The following DIAPH2 variants were observed in gnomAD, a reference collection of about 807,000 sequenced individuals.
DIAPH2 encodes diaphanous related formin 2.
Under a neutral mutation model 92.7 loss-of-function variants are expected in DIAPH2, and 35 were observed. The observed-to-expected ratio is 0.38, with a 90% CI of 0.29 to 0.50. DIAPH2 has a LOEUF of 0.50. DIAPH2 is among the 20% of genes least tolerant of loss of function. DIAPH2 has a pLI of 0.94. For missense variants in DIAPH2, 701 were observed against 819.5 expected (o/e 0.86, Z 1.77); for synonymous variants, 301 against 280.4 (o/e 1.07, Z -0.73).
chrX:96,998,818 G>A (rs1267099031), intron 17 of DIAPH2, among the ~76,000 whole-genome samples: 1 of 111,812 alleles, frequency 8.9e-6, no homozygotes, highest in Non-Finnish European at 1.9e-5. Flanking sequence ...TCTTGGGTAT[G>A]ATGTCATATC....
At chrX:97,477,630 A>C (rs753626791) in intron 26 of DIAPH2, among the ~76,000 whole-genome samples, 46 of 110,462 alleles carry the variant, frequency 4.2e-4, no homozygotes, top group Non-Finnish European at 7.2e-4. Context: ...ATCTATCTAT[A>C]TATATATATG....
At chrX:96,962,390 TACACATATATATACACATATATATATAC>T (rs2065862848) in intron 16 of DIAPH2, among the ~76,000 whole-genome samples, 1 of 69,797 alleles carries the variant, frequency 1.4e-5, no homozygotes, top group Admixed American at 1.8e-4. Context: ...CACATATATA[TACACATATATATACACATATATATATAC>T]ACATATATAT....
chrX:97,584,977 C>T (rs908140966), intron 26 of DIAPH2, among the ~76,000 whole-genome samples: 30 of 112,017 alleles, frequency 2.7e-4, no homozygotes, highest in African/African-American at 7.8e-4. Flanking sequence ...AGCATTGCAC[C>T]CTGTGATGAC....
intron 23 of DIAPH2, among the ~76,000 whole-genome samples, chrX:97,328,702 T>C (rs1023766010): frequency 2.7e-5 from 3 of 111,478 alleles, no homozygotes; most frequent in African/African-American, 9.7e-5. Context: ...TTAGAAAAAA[T>C]AATTTATAAA....
rs774544835 is a variant in DIAPH2 at position 97,448,782 on chromosome X, T to G, written c.3241+19037T>G. Among the ~76,000 whole-genome samples the G allele has an allele frequency of 1.3e-3, 149 of 112,073 alleles. 1 individual carries two copies. Among genetic ancestry groups the G allele is most frequent in the African/African-American group, 4.7e-3 (146 of 30,933 alleles). ...ACTAGTTATAATTCATGATTAGCAC[T>G]GGGGCAAGCTGATAATTTGAAAATC... On this transcript the variant is annotated intron_variant, in intron 26 of 26. Transcript: ENST00000324765.
chrX:97,587,734 T>C (rs1451024185), intron 26 of DIAPH2, among the ~76,000 whole-genome samples: 1 of 112,272 alleles, frequency 8.9e-6, no homozygotes, highest in Non-Finnish European at 1.9e-5. Flanking sequence ...ATGATCGTGA[T>C]GCTAAAATCT....
intron 25 of DIAPH2, among the ~76,000 whole-genome samples, chrX:97,411,440 G>A (rs1439258706): frequency 2.7e-5 from 3 of 111,990 alleles, no homozygotes; most frequent in African/African-American, 9.7e-5. Flanking sequence ...ACCAGCCACT[G>A]CAAAAACATG....
intron 7 of DIAPH2, 35 bp from the exon 8 acceptor site, chrX:96,916,403 C>T: frequency 9.4e-7 from 1 of 1,067,797 alleles, no homozygotes; most frequent in Non-Finnish European, 1.2e-6. Flanking sequence ...ATTCCATAGA[C>T]ATTCTGAATG....
At position 97,238,140 on chromosome X, in the gene DIAPH2, T is replaced by C. The variant is rs370401375; in HGVS notation, c.2720-9575T>C. Among the ~76,000 whole-genome samples, 268 of 112,351 alleles carry C rather than the reference T, an allele frequency of 2.4e-3. 2 individuals are homozygous for C. The highest frequency in any genetic ancestry group is 8.4e-3 in the African/African-American group (259 of 30,998). On this transcript the variant is annotated intron_variant, in intron 22 of 26. Coordinates refer to ENST00000324765, the MANE Select transcript of DIAPH2 (RefSeq NM_006729.5). ...TGACTGTCTGTCCACTACTGTTGGTTTGGTGCTCAGGCTTCAGAATTTTCT... is the reference window on the plus strand; with the variant it reads ...TGACTGTCTGTCCACTACTGTTGGTCTGGTGCTCAGGCTTCAGAATTTTCT...
At chrX:97,318,285 C>A (rs898277655) in intron 23 of DIAPH2, among the ~76,000 whole-genome samples, 3 of 108,895 alleles carry the variant, frequency 2.8e-5, no homozygotes, top group African/African-American at 1.0e-4. Context: ...ATTACAGGCA[C>A]CTGCCACCAC....
At chrX:97,329,936 A>ACACACACACACACC (rs2068984784) in intron 23 of DIAPH2, among the ~76,000 whole-genome samples, 2 of 75,227 alleles carry the variant, frequency 2.7e-5, no homozygotes, top group African/African-American at 9.8e-5. Context: ...ACACACACAC[A>ACACACACACACACC]CCCCACATGC....
chrX:97,324,010 G>A (rs1363018087), intron 23 of DIAPH2, among the ~76,000 whole-genome samples: 1 of 110,194 alleles, frequency 9.1e-6, no homozygotes, highest in African/African-American at 3.3e-5. Flanking sequence ...TCTTATTTGT[G>A]TACTCAGTAT....
chrX:97,119,454 T>C (rs1473659028), intron 21 of DIAPH2, among the ~76,000 whole-genome samples: 1 of 111,287 alleles, frequency 9.0e-6, no homozygotes, highest in Non-Finnish European at 1.9e-5. Flanking sequence ...CTGGTGGAGG[T>C]GGCAGGGGGG....
intron 26 of DIAPH2, among the ~76,000 whole-genome samples, chrX:97,502,849 G>A (rs967419410): frequency 2.7e-5 from 3 of 112,376 alleles, no homozygotes; most frequent in African/African-American, 9.7e-5. Context: ...TTCTAGTAAC[G>A]TGAGCAGTGC....
chrX:97,482,606 G>A (rs2070658468), intron 26 of DIAPH2, among the ~76,000 whole-genome samples: 1 of 107,962 alleles, frequency 9.3e-6, no homozygotes, highest in Non-Finnish European at 1.9e-5. Context: ...TTGAGAGGGA[G>A]AGACAGGGAG....
chrX:97,532,534 C>T (rs1294567588), intron 26 of DIAPH2, among the ~76,000 whole-genome samples: 2 of 112,470 alleles, frequency 1.8e-5, no homozygotes, highest in East Asian at 2.8e-4. Context: ...ACAAAGGAAG[C>T]GGCTTTGCCA....
intron 23 of DIAPH2, among the ~76,000 whole-genome samples, chrX:97,264,533 ATG>A (rs2068319013): frequency 1.8e-5 from 2 of 112,131 alleles, no homozygotes; most frequent in Admixed American, 1.9e-4. Flanking sequence ...ACATGTACAC[ATG>A]TCTCTGATGC....
intron 24 of DIAPH2, among the ~76,000 whole-genome samples, chrX:97,377,166 A>G (rs1263400786): frequency 2.7e-5 from 3 of 111,960 alleles, no homozygotes; most frequent in Non-Finnish European, 5.6e-5. Flanking sequence ...ATCTTGTGTG[A>G]TAACAATGCC....
chrX:97,322,945 C>T (rs1256065213), intron 23 of DIAPH2, among the ~76,000 whole-genome samples: 1 of 94,995 alleles, frequency 1.1e-5, no homozygotes, highest in Non-Finnish European at 2.1e-5. Flanking sequence ...CACTCTTATA[C>T]CCCAGGTTTG....
Sources: gnomAD v4.1 joint callset for allele counts (sites outside exome capture counted in the v4.1 genomes callset) on GRCh38, gnomAD v4.1.1 for gene constraint, MANE v1.5 for transcripts, NCBI Gene and HGNC (gene_info 2026-07-23, HGNC 2026-07-21) for gene names.